The following R3HDM1 variants were observed in gnomAD, a reference collection of about 807,000 sequenced individuals.
The protein encoded by R3HDM1 is R3H domain containing 1.
R3HDM1 carries 46 observed loss-of-function variants against 141.1 expected under a neutral mutation model. The ratio of observed to expected loss-of-function variants is 0.33; its 90% CI spans 0.26 to 0.42. R3HDM1 has a LOEUF of 0.42. Among genes scored for constraint, R3HDM1 ranks in the 10% least tolerant of loss-of-function variants. The pLI is 1.00. For missense variants in R3HDM1, 1,184 were observed against 1,368.3 expected, an observed-to-expected ratio of 0.87 and a Z score of 2.12; for synonymous variants, 435 against 472.9, an observed-to-expected ratio of 0.92 and a Z score of 1.04.
At chr2:135,704,124 G>A (rs1428514052) in intron 21 of R3HDM1, among the ~76,000 whole-genome samples, 1 of 152,048 alleles carries the variant, frequency 6.6e-6, no homozygotes, top group Non-Finnish European at 1.5e-5. Context: ...GGGATTACAG[G>A]CACCCACCAC....
intron 24 of R3HDM1, among the ~76,000 whole-genome samples, chr2:135,720,801 A>C (rs1272164325): frequency 6.6e-6 from 1 of 152,238 alleles, no homozygotes; most frequent in African/African-American, 2.4e-5. Context: ...GTGTACATGC[A>C]TATATTATAT....
At chr2:135,558,907 C>T (rs1369985353) in intron 1 of R3HDM1, 1 of 672,090 alleles carries the variant, frequency 1.5e-6, no homozygotes, top group Non-Finnish European at 1.8e-6. Context: ...TTTAGGATTC[C>T]TTAAGGGTTT....
At chr2:135,589,731 A>G (rs1400725649) in intron 1 of R3HDM1, among the ~76,000 whole-genome samples, 1 of 152,032 alleles carries the variant, frequency 6.6e-6, no homozygotes, top group Non-Finnish European at 1.5e-5. Flanking sequence ...CCAGAAGCCT[A>G]TATATGAATC....
At chr2:135,596,761 C>T (rs2059229079) in intron 1 of R3HDM1, among the ~76,000 whole-genome samples, 2 of 152,038 alleles carry the variant, frequency 1.3e-5, no homozygotes, top group African/African-American at 4.8e-5. Context: ...ATGAATATGC[C>T]ACAGTTGTTT....
chr2:135,597,291 T>C, intron 1 of R3HDM1: 1 of 972,722 alleles, frequency 1.0e-6, no homozygotes, highest in Non-Finnish European at 1.2e-6. Context: ...TCTTTTTAAA[T>C]GTAACTGATA....
intron 1 of R3HDM1, among the ~76,000 whole-genome samples, chr2:135,560,422 T>C (rs1226182093): frequency 6.6e-6 from 1 of 152,102 alleles, no homozygotes; most frequent in African/African-American, 2.4e-5. Context: ...CAAGTGATTC[T>C]CCCACCTCAG....
intron 1 of R3HDM1, chr2:135,558,935 A>C (rs927066940): frequency 1.2e-6 from 1 of 846,390 alleles, no homozygotes; most frequent in African/African-American, 1.8e-5. Context: ...TGAAAGTCAA[A>C]ATGTAATTTA....
chr2:135,645,911 C>T (rs1332311354), intron 16 of R3HDM1, among the ~76,000 whole-genome samples: 1 of 152,178 alleles, frequency 6.6e-6, no homozygotes, highest in Non-Finnish European at 1.5e-5. Context: ...CTGAGATAGG[C>T]TGCTCAGGTT....
intron 19 of R3HDM1, among the ~76,000 whole-genome samples, chr2:135,666,660 T>C (rs559806502): frequency 2.0e-5 from 3 of 152,244 alleles, no homozygotes; most frequent in Admixed American, 2.0e-4. Context: ...TTGTTAGAAT[T>C]GGTTTTTGTA....
rs2063522001 is a variant in R3HDM1 at position 135,638,937 on chromosome 2, A to C, written c.1034A>C (p.Gln345Pro). 1 of 1,614,172 alleles carries C rather than the reference A, an allele frequency of 6.2e-7. No individual in the cohort carries two copies. Among genetic ancestry groups the C allele is most frequent in the East Asian group, 2.2e-5 (1 of 44,890 alleles). ...DASGRSTNSH[Q>P]SSTENELKYS... Reference sequence around the variant, plus strand: ...TCAGGGAGATCTACAAATAGCCATCAAAGCAGCACTGAGAATGAGTTGAAG... The same window carrying C: ...TCAGGGAGATCTACAAATAGCCATCCAAGCAGCACTGAGAATGAGTTGAAG... Residue 345 changes from glutamine (Q) to proline (P), a missense_variant, in exon 14 of 27, where the codon CAA becomes CCA. Physicochemically the swap from Gln to Pro is moderately conservative, Grantham distance 76 (BLOSUM62 -1). Coordinates refer to ENST00000683871, the MANE Select transcript of R3HDM1 (RefSeq NM_001378107.1).
intron 1 of R3HDM1, among the ~76,000 whole-genome samples, chr2:135,588,403 T>G (rs552342719): frequency 1.6e-4 from 24 of 152,264 alleles, no homozygotes; most frequent in African/African-American, 5.8e-4. Context: ...CTCCCAGATC[T>G]TTCTCTTTTC....
At chr2:135,676,536 T>C (rs2069200728) in intron 20 of R3HDM1, among the ~76,000 whole-genome samples, 1 of 152,182 alleles carries the variant, frequency 6.6e-6, no homozygotes. Flanking sequence ...CAGGGCCAGG[T>C]GCAGTGGCTC....
chr2:135,628,602 A>G (rs1474869319), intron 7 of R3HDM1, among the ~76,000 whole-genome samples: 1 of 152,116 alleles, frequency 6.6e-6, no homozygotes, highest in Non-Finnish European at 1.5e-5. Flanking sequence ...ACTCCAAATA[A>G]GTTGCCTCCT....
intron 1 of R3HDM1, among the ~76,000 whole-genome samples, chr2:135,594,782 T>C (rs1329802418): frequency 2.0e-5 from 3 of 152,100 alleles, no homozygotes; most frequent in African/African-American, 7.2e-5. Flanking sequence ...CTTATTACCT[T>C]TCTTCCCTCC....
intron 21 of R3HDM1, among the ~76,000 whole-genome samples, chr2:135,695,343 AACTG>A (rs1559456490): frequency 6.6e-6 from 1 of 152,228 alleles, no homozygotes; most frequent in Non-Finnish European, 1.5e-5. Context: ...ACTGAGTTGA[AACTG>A]ACTGTGAAAC....
chr2:135,679,855 G>A (rs543328274), intron 20 of R3HDM1, among the ~76,000 whole-genome samples: 2 of 152,124 alleles, frequency 1.3e-5, no homozygotes, highest in African/African-American at 2.4e-5. Context: ...CAAGGTGGGC[G>A]GATCACTTGA....
chr2:135,591,298 G>A (rs1428835433), intron 1 of R3HDM1, among the ~76,000 whole-genome samples: 1 of 152,130 alleles, frequency 6.6e-6, no homozygotes, highest in Non-Finnish European at 1.5e-5. Context: ...TTGGTCATGG[G>A]TAAAAAGTAT....
chr2:135,695,176 C>A (rs531119403), intron 21 of R3HDM1, among the ~76,000 whole-genome samples: 6 of 152,212 alleles, frequency 3.9e-5, no homozygotes, highest in African/African-American at 1.4e-4. Context: ...GAACAAAGCT[C>A]AAAAATACTG....
At chr2:135,670,138 C>CAAAAAAAAAAAAAAAAA (rs869047478) in intron 19 of R3HDM1, 1 of 96,496 alleles carries the variant, frequency 1.0e-5, no homozygotes, top group Admixed American at 1.4e-4. Flanking sequence ...GACTCAGTCT[C>CAAAAAAAAAAAAAAAAA]AAAAAAAAAA....
Sources: gnomAD v4.1 joint callset for allele counts (sites outside exome capture counted in the v4.1 genomes callset) on GRCh38, gnomAD v4.1.1 for gene constraint, MANE v1.5 for transcripts, NCBI Gene and HGNC (gene_info 2026-07-23, HGNC 2026-07-21) for gene names.